Variants in AGMO observed in about 807,000 individuals in gnomAD.
AGMO encodes the protein alkylglycerol monooxygenase, also known as glyceryl-ether monooxygenase.
Under a neutral mutation model 60.2 loss-of-function variants are expected in AGMO, and 75 were observed. The ratio of observed to expected loss-of-function variants is 1.25; its 90% confidence interval spans 1.03 to 1.51. AGMO has a LOEUF of 1.51. Among genes scored for constraint, AGMO ranks in the 40% most tolerant of loss-of-function variants. The pLI is 0.00. For synonymous variants in AGMO, 261 were observed against 177.1 expected (o/e 1.47, Z -3.76); for missense variants, 763 against 525.5 (o/e 1.45, Z -4.42).
chr7:15,328,293 C>T (rs964491071), intron 12 of AGMO, among the ~76,000 whole-genome samples: 3 of 151,974 alleles, frequency 2.0e-5, no homozygotes, highest in African/African-American at 4.8e-5. Context: ...GATGGGTTTT[C>T]TCCATGTTGG....
At chr7:15,333,036 T>C (rs1781545230) in intron 12 of AGMO, among the ~76,000 whole-genome samples, 1 of 152,158 alleles carries the variant, frequency 6.6e-6, no homozygotes, top group African/African-American at 2.4e-5. Flanking sequence ...AGGAAAAGCA[T>C]ATAGTCCAAG....
the AGMO span, among the ~76,000 whole-genome samples, chr7:15,132,857 T>C: frequency 6.6e-6 from 1 of 152,198 alleles, no homozygotes; most frequent in African/African-American, 2.4e-5. Context: ...ACAGCTTATT[T>C]GTCTGTTAAG....
intron 2 of AGMO, among the ~76,000 whole-genome samples, chr7:15,553,271 T>A (rs905325035): frequency 6.6e-6 from 1 of 151,350 alleles, no homozygotes; most frequent in African/African-American, 2.4e-5. Context: ...TGTATACATA[T>A]GTAACTAACC....
At chr7:15,382,786 TG>T (rs1783746213) in intron 10 of AGMO, among the ~76,000 whole-genome samples, 1 of 152,174 alleles carries the variant, frequency 6.6e-6, no homozygotes, top group Non-Finnish European at 1.5e-5. Context: ...AGACACCTAA[TG>T]GACACTCCTA....
At chr7:15,290,585 C>CAGG (rs1347515340) in intron 12 of AGMO, among the ~76,000 whole-genome samples, 1 of 152,112 alleles carries the variant, frequency 6.6e-6, no homozygotes, top group African/African-American at 2.4e-5. Context: ...ACATAAGGAA[C>CAGG]AGGGACTGGG....
intron 2 of AGMO, among the ~76,000 whole-genome samples, chr7:15,546,065 T>G (rs1351140781): frequency 6.6e-6 from 1 of 152,156 alleles, no homozygotes; most frequent in Non-Finnish European, 1.5e-5. Flanking sequence ...TCAGTTTCTG[T>G]GAATTAGCAT....
chr7:15,369,156 C>T (rs2078120402), intron 10 of AGMO, among the ~76,000 whole-genome samples: 1 of 151,964 alleles, frequency 6.6e-6, no homozygotes, highest in African/African-American at 2.4e-5. Flanking sequence ...TTACAAACAG[C>T]ACAATTAATA....
chr7:15,355,953 AAC>A (rs375229230), intron 12 of AGMO, among the ~76,000 whole-genome samples: 1 of 142,756 alleles, frequency 7.0e-6, no homozygotes, highest in East Asian at 2.0e-4. Flanking sequence ...CAGAAAAGGA[AAC>A]ACAAATTCCT....
At chr7:15,282,395 C>T (rs574162374) in intron 12 of AGMO, among the ~76,000 whole-genome samples, 2 of 152,060 alleles carry the variant, frequency 1.3e-5, no homozygotes, top group Admixed American at 1.3e-4. Context: ...AATCAAGCTT[C>T]TGGAAATGAA....
At chr7:15,315,805 G>A (rs1780906154) in intron 12 of AGMO, among the ~76,000 whole-genome samples, 1 of 151,966 alleles carries the variant, frequency 6.6e-6, no homozygotes, top group Admixed American at 6.6e-5. Flanking sequence ...AGCAAACAAT[G>A]TCCTCAACCA....
intron 5 of AGMO, among the ~76,000 whole-genome samples, chr7:15,399,177 C>A (rs182573285): frequency 3.3e-5 from 5 of 152,158 alleles, no homozygotes; most frequent in Admixed American, 2.0e-4. Flanking sequence ...CTCGGTCTTA[C>A]AACTTGAGAA....
chr7:15,420,555 T>A (rs1780896951), intron 4 of AGMO, among the ~76,000 whole-genome samples: 1 of 152,138 alleles, frequency 6.6e-6, no homozygotes, highest in Non-Finnish European at 1.5e-5. Context: ...AAGAATCTAA[T>A]GACACAATCA....
chr7:15,261,719 T>C (rs1783276992), intron 12 of AGMO, among the ~76,000 whole-genome samples: 1 of 151,810 alleles, frequency 6.6e-6, no homozygotes, highest in Non-Finnish European at 1.5e-5. Flanking sequence ...TACAGACCAA[T>C]AACCCTGATG....
chr7:15,455,516 G>A (rs975179554), intron 3 of AGMO, among the ~76,000 whole-genome samples: 4 of 151,968 alleles, frequency 2.6e-5, no homozygotes, highest in African/African-American at 9.7e-5. Context: ...CTCTCCTGAT[G>A]GTTTTCCTTT....
intron 3 of AGMO, among the ~76,000 whole-genome samples, chr7:15,510,471 C>T (rs1185074519): frequency 1.3e-5 from 2 of 151,864 alleles, no homozygotes; most frequent in East Asian, 1.9e-4. Flanking sequence ...AGCAACTGCA[C>T]CTGGCCCTAA....
At chr7:15,549,943 G>T (rs781212847) in intron 2 of AGMO, among the ~76,000 whole-genome samples, 1 of 150,134 alleles carries the variant, frequency 6.7e-6, no homozygotes, top group Non-Finnish European at 1.5e-5. Context: ...AAATGTAAAA[G>T]AACAGAAATT....
At chr7:15,437,691 C>T (rs1361482128) in intron 3 of AGMO, among the ~76,000 whole-genome samples, 6 of 152,044 alleles carry the variant, frequency 3.9e-5, no homozygotes, top group East Asian at 3.9e-4. Context: ...CCCGCCACCA[C>T]GCCAGGCTAA....
At chr7:15,261,366 A>G (rs560514056) in intron 12 of AGMO, among the ~76,000 whole-genome samples, 1 of 152,238 alleles carries the variant, frequency 6.6e-6, no homozygotes, top group South Asian at 2.1e-4. Context: ...CAATGCTACT[A>G]TGAACATCTT....
intron 12 of AGMO, among the ~76,000 whole-genome samples, chr7:15,326,936 G>C (rs1781355086): frequency 6.6e-6 from 1 of 152,176 alleles, no homozygotes; most frequent in Non-Finnish European, 1.5e-5. Flanking sequence ...AGTTTTATAA[G>C]CTGCTGCAAA....
Sources: allele counts gnomAD v4.1 joint callset (sites outside exome capture counted in the v4.1 genomes callset), GRCh38; gene constraint gnomAD v4.1.1; transcripts MANE v1.5; gene names NCBI Gene and HGNC (gene_info 2026-07-23, HGNC 2026-07-21).